Variants in PTPRK observed in about 807,000 individuals in gnomAD.
PTPRK encodes the protein protein tyrosine phosphatase receptor type K, also known as receptor-type tyrosine-protein phosphatase kappa.
In PTPRK, 75 loss-of-function variants were observed where a neutral mutation model predicts 178.0. The observed-to-expected ratio is 0.42, with a 90% confidence interval of 0.35 to 0.51. The LOEUF is 0.51. PTPRK is among the 20% of genes least tolerant of loss of function. PTPRK has a pLI of 0.02. For missense variants in PTPRK, 1,441 were observed against 1,797.8 expected, an observed-to-expected ratio of 0.80 and a Z score of 3.59; for synonymous variants, 637 against 620.6, an observed-to-expected ratio of 1.03 and a Z score of -0.39.
At chr6:128,142,409 T>C (rs1795899257) in intron 7 of PTPRK, among the ~76,000 whole-genome samples, 1 of 151,980 alleles carries the variant, frequency 6.6e-6, no homozygotes, top group South Asian at 2.1e-4. Flanking sequence ...TCATCTAGGA[T>C]GAAGAAATCC....
intron 1 of PTPRK, among the ~76,000 whole-genome samples, chr6:128,442,055 T>C (rs1387741195): frequency 6.6e-6 from 1 of 152,206 alleles, no homozygotes; most frequent in East Asian, 1.9e-4. Flanking sequence ...TTTGAATAAA[T>C]ATCAGAAAAG....
At chr6:128,332,988 C>T (rs7738641) in intron 2 of PTPRK, among the ~76,000 whole-genome samples, 147,988 of 152,296 alleles carry the variant, frequency 0.97, 72,034 homozygotes, top group East Asian at 1. Context: ...CCAACCTGCA[C>T]AGCTTTTATG....
chr6:127,972,928 G>A lies in PTPRK; in HGVS notation c.4269+94C>T, dbSNP rs931002267. ...CCCACAACGTCTCATTTTCACATCT[G>A]ATTCCCTATGTGTGTATGAAGTCAA... On this transcript the variant is annotated intron_variant, in intron 29 of 29. Transcript: ENST00000368226. 1.6e-5 allele frequency: 21 copies of A among 1,284,654 alleles called. No homozygotes were observed. In the African/African-American group the frequency reaches 2.9e-4, roughly 18 times the overall value. 79.6% of individuals were successfully genotyped at this position (1,284,654 alleles called of 1,614,324 possible).
rs898172545 is a variant in PTPRK, at chr6:128,329,646, A to G, written c.224-7336T>C. 4.6e-5 allele frequency among the ~76,000 whole-genome samples: 7 copies of G among 152,262 alleles called. No individual in the cohort carries two copies. In the East Asian group the frequency reaches 1.4e-3, roughly 29 times the overall value. On this transcript the variant is annotated intron_variant, in intron 2 of 29. Transcript: ENST00000368226. ...GAGACTGATGTCCCAGCTTGTAAAC[A>G]GTCAGACACAGAGGGATTTCTTACT... is the stretch of plus-strand genomic sequence containing the variant.
intron 13 of PTPRK, chr6:128,063,527 T>G (rs773745324): frequency 5.9e-5 from 9 of 152,352 alleles, no homozygotes; most frequent in Non-Finnish European, 1.2e-4. Context: ...ACTTTAAATC[T>G]GGAAAAACAC....
chr6:128,353,788 T>C (rs1271591494), intron 2 of PTPRK, among the ~76,000 whole-genome samples: 1 of 152,198 alleles, frequency 6.6e-6, no homozygotes, highest in Non-Finnish European at 1.5e-5. Flanking sequence ...AATTCTGTTA[T>C]ATATCTTGAT....
intron 8 of PTPRK, among the ~76,000 whole-genome samples, 182 bp downstream of exon 8, chr6:128,089,508 G>A (rs1786550611): frequency 6.6e-6 from 1 of 152,150 alleles, no homozygotes; most frequent in African/African-American, 2.4e-5. Flanking sequence ...GTATTTGGAT[G>A]CTTGTCTGAA....
intron 1 of PTPRK, 56 bp from the exon 2 acceptor site, chr6:128,397,744 A>C: frequency 1.3e-6 from 2 of 1,546,606 alleles, no homozygotes; most frequent in Non-Finnish European, 1.8e-6. Flanking sequence ...AACATAACGA[A>C]AGTTCTGGAG....
intron 1 of PTPRK, among the ~76,000 whole-genome samples, chr6:128,446,818 A>G (rs1277202949): frequency 2.6e-5 from 4 of 152,196 alleles, no homozygotes; most frequent in Admixed American, 6.5e-5. Flanking sequence ...ACAGTAGGGG[A>G]AAAATGCTCA....
chr6:128,492,847 T>A (rs1267054191), intron 1 of PTPRK, among the ~76,000 whole-genome samples: 1 of 152,220 alleles, frequency 6.6e-6, no homozygotes, highest in African/African-American at 2.4e-5. Flanking sequence ...TGCCACACTT[T>A]CCACCTATCC....
chr6:128,108,758 C>CAGT (rs1790142456), intron 7 of PTPRK, among the ~76,000 whole-genome samples: 1 of 152,074 alleles, frequency 6.6e-6, no homozygotes, highest in African/African-American at 2.4e-5. Flanking sequence ...ATATTTCTCA[C>CAGT]AGTTCTGGAG....
chr6:128,428,419 T>G (rs1844433582), intron 1 of PTPRK, among the ~76,000 whole-genome samples: 2 of 152,204 alleles, frequency 1.3e-5, no homozygotes, highest in South Asian at 4.1e-4. Context: ...ATATATTAAA[T>G]GTAGACACTG....
At chr6:128,228,286 G>A (rs369054945) in intron 5 of PTPRK, among the ~76,000 whole-genome samples, 2 of 151,964 alleles carry the variant, frequency 1.3e-5, no homozygotes, top group African/African-American at 4.8e-5. Context: ...GACAGGCAAA[G>A]ATCAAACAGA....
Position 128,424,822 on chromosome 6 carries a change from C to T in PTPRK, c.101-27134G>A, listed in dbSNP as rs186544460. On this transcript the variant is annotated intron_variant, in intron 1 of 29. Transcript: ENST00000368226. ...AGGATGCTGTCACTAATGCTAAAATCTTCCTGATTTTAGATATGTTAAAAT... is the reference window on the plus strand; with the variant it reads ...AGGATGCTGTCACTAATGCTAAAATTTTCCTGATTTTAGATATGTTAAAAT... 3.7e-3 allele frequency among the ~76,000 whole-genome samples: 557 copies of T among 152,262 alleles called. 10 individuals are homozygous for T. The highest frequency in any genetic ancestry group is 1.5e-3 in the East Asian group (8 of 5,186).
Position 128,313,267 on chromosome 6 carries a change from A to AT in PTPRK, c.495+8771dup, listed in dbSNP as rs558353375. On this transcript the variant is annotated intron_variant, in intron 3 of 29. Coordinates refer to ENST00000368226, the MANE Select transcript of PTPRK (RefSeq NM_002844.4). ...ACCCCATAGTGCTATTGTGAGGATG[A>AT]TTTTTTTAAAATTTGTACAATTGCT... Among the ~76,000 whole-genome samples the AT allele has an allele frequency of 7.1e-3, 1,084 of 152,234 alleles. 3 individuals are homozygous for AT. The highest frequency in any genetic ancestry group is 9.5e-3 in the Non-Finnish European group (644 of 68,022).
At chr6:128,327,397 A>C (rs1158662901) in intron 2 of PTPRK, among the ~76,000 whole-genome samples, 1 of 152,156 alleles carries the variant, frequency 6.6e-6, no homozygotes, top group Non-Finnish European at 1.5e-5. Context: ...GCAAAATTTC[A>C]ATTTCTTTGC....
intron 1 of PTPRK, among the ~76,000 whole-genome samples, chr6:128,493,378 C>A (rs551855185): frequency 6.6e-6 from 1 of 151,942 alleles, no homozygotes; most frequent in African/African-American, 2.4e-5. Flanking sequence ...CTGGCTAACA[C>A]AGTGAAACCC....
rs188471016 is a variant in PTPRK, at chr6:128,374,754, T to C, written c.223+22812A>G. On this transcript the variant is annotated intron_variant, in intron 2 of 29. Coordinates refer to ENST00000368226, the MANE Select transcript of PTPRK (RefSeq NM_002844.4). ...TCTACTCTCCACATCCCGCACTCAGTATGACCCTGTCAAGATAAAATCATG... is the reference window on the plus strand; with the variant it reads ...TCTACTCTCCACATCCCGCACTCAGCATGACCCTGTCAAGATAAAATCATG... Among the ~76,000 whole-genome samples, 8 of 152,274 alleles carry C rather than the reference T, an allele frequency of 5.3e-5. No homozygotes were observed. The East Asian group carries it at 1.5e-3, about 29-fold the overall frequency.
intron 2 of PTPRK, among the ~76,000 whole-genome samples, chr6:128,363,204 T>A (rs1835010309): frequency 6.6e-6 from 1 of 152,160 alleles, no homozygotes; most frequent in Non-Finnish European, 1.5e-5. Context: ...ATAATGTCAC[T>A]TGTGACTAAT....
Sources: allele counts gnomAD v4.1 joint callset (sites outside exome capture counted in the v4.1 genomes callset), GRCh38; gene constraint gnomAD v4.1.1; transcripts MANE v1.5; gene names NCBI Gene and HGNC (gene_info 2026-07-23, HGNC 2026-07-21).